The following LIN7A variants were observed in gnomAD, a reference collection of about 807,000 sequenced individuals.
LIN7A encodes protein lin-7 homolog A.
A neutral mutation model predicts 29.8 loss-of-function variants in LIN7A; 25 were observed. The ratio of observed to expected loss-of-function variants is 0.84; its 90% confidence interval spans 0.61 to 1.17. LIN7A has a LOEUF of 1.17. Among genes scored for constraint, LIN7A ranks in the 50% most tolerant of loss-of-function variants. The probability of loss-of-function intolerance (pLI) is 0.00; values close to 1 mark genes in which losing one functional copy is unlikely to be tolerated. For missense variants in LIN7A, 239 were observed against 287.0 expected (o/e 0.83, Z 1.21); for synonymous variants, 118 against 107.5 (o/e 1.10, Z -0.60).
At chr12:80,828,811 T>C (rs1005606171) in intron 4 of LIN7A, among the ~76,000 whole-genome samples, 1 of 152,052 alleles carries the variant, frequency 6.6e-6, no homozygotes, top group Non-Finnish European at 1.5e-5. Flanking sequence ...GGTGTGTGTG[T>C]GTGTGGTGTA....
intron 3 of LIN7A, among the ~76,000 whole-genome samples, chr12:80,846,236 A>G (rs1216678594): frequency 3.3e-5 from 5 of 152,096 alleles, no homozygotes; most frequent in Admixed American, 6.5e-5. Context: ...AATTCTTCCT[A>G]TTCCTGGAGT....
At chr12:80,862,770 T>A (rs1246062999) in intron 2 of LIN7A, among the ~76,000 whole-genome samples, 1 of 152,166 alleles carries the variant, frequency 6.6e-6, no homozygotes, top group African/African-American at 2.4e-5. Flanking sequence ...GCCCACTTCA[T>A]TACAAGTTGT....
chr12:80,822,856 C>T (rs1007462853), intron 4 of LIN7A, among the ~76,000 whole-genome samples: 3 of 152,082 alleles, frequency 2.0e-5, no homozygotes, highest in African/African-American at 7.2e-5. Context: ...GGGTGGATTG[C>T]TGGTGAAGCC....
intron 3 of LIN7A, among the ~76,000 whole-genome samples, chr12:80,846,221 G>C (rs2121548964): frequency 6.6e-6 from 1 of 152,212 alleles, no homozygotes; most frequent in Non-Finnish European, 1.5e-5. Flanking sequence ...ACCTTGGTTA[G>C]CTGCAATTCT....
intron 1 of LIN7A, among the ~76,000 whole-genome samples, chr12:80,923,452 T>C (rs1877420848): frequency 6.6e-6 from 1 of 152,200 alleles, no homozygotes; most frequent in South Asian, 2.1e-4. Flanking sequence ...ATTTTTGCCT[T>C]TTGTACTAAG....
chr12:80,833,702 G>A (rs1410670236), intron 4 of LIN7A, among the ~76,000 whole-genome samples: 1 of 152,088 alleles, frequency 6.6e-6, no homozygotes, highest in African/African-American at 2.4e-5. Flanking sequence ...ATATGTTTCT[G>A]TAGATGTTGT....
intron 4 of LIN7A, chr12:80,841,743 G>A (rs914401019): frequency 6.3e-5 from 14 of 223,828 alleles, no homozygotes; most frequent in African/African-American, 2.4e-4. Context: ...ATATATTTAC[G>A]GTTGCCGCTG....
At chr12:80,890,539 G>A (rs184156363) in intron 1 of LIN7A, among the ~76,000 whole-genome samples, 101 of 152,236 alleles carry the variant, frequency 6.6e-4, no homozygotes, top group African/African-American at 2.2e-3. Flanking sequence ...AAAATTGTTA[G>A]CACCTCAGAA....
intron 4 of LIN7A, among the ~76,000 whole-genome samples, chr12:80,831,587 G>A (rs754148303): frequency 1.8e-4 from 28 of 152,112 alleles, no homozygotes; most frequent in Admixed American, 5.2e-4. Context: ...GTGAAACACT[G>A]CCAATATATG....
intron 5 of LIN7A, among the ~76,000 whole-genome samples, chr12:80,804,402 T>G (rs558694630): frequency 7.9e-5 from 12 of 151,846 alleles, no homozygotes; most frequent in African/African-American, 2.9e-4. Context: ...GTAACCATCC[T>G]TCTACCCTCT....
At chr12:80,932,723 T>C (rs935576654) in intron 1 of LIN7A, among the ~76,000 whole-genome samples, 1 of 152,252 alleles carries the variant, frequency 6.6e-6, no homozygotes, top group African/African-American at 2.4e-5. Context: ...TTATCTTCTC[T>C]GACCTTGAGA....
chr12:80,923,551 A>AT (rs1877425302), intron 1 of LIN7A, among the ~76,000 whole-genome samples: 1 of 152,154 alleles, frequency 6.6e-6, no homozygotes, highest in African/African-American at 2.4e-5. Context: ...AATATATTAC[A>AT]TTTTTAAATT....
intron 4 of LIN7A, among the ~76,000 whole-genome samples, chr12:80,837,855 A>G (rs1035356841): frequency 2.6e-5 from 4 of 151,816 alleles, no homozygotes; most frequent in Non-Finnish European, 5.9e-5. Context: ...CATCATCATC[A>G]TCATCATCAT....
chr12:80,858,637 AT>A (rs2120383665), intron 2 of LIN7A, among the ~76,000 whole-genome samples: 1 of 151,920 alleles, frequency 6.6e-6, no homozygotes, highest in South Asian at 2.1e-4. Flanking sequence ...GGAAGATGTC[AT>A]TTTCAATTAG....
At chr12:80,809,724 T>C (rs889527210) in intron 5 of LIN7A, among the ~76,000 whole-genome samples, 2 of 152,202 alleles carry the variant, frequency 1.3e-5, no homozygotes, top group African/African-American at 4.8e-5. Flanking sequence ...ACTTCTAAGA[T>C]GGGGTCTCTT....
chr12:80,926,927 CAA>C (rs35483715), intron 1 of LIN7A, among the ~76,000 whole-genome samples: 4,157 of 55,296 alleles, frequency 0.075, 59 homozygotes, highest in South Asian at 0.24. Context: ...GACTCCATCT[CAA>C]AAAAAAAAAA....
intron 1 of LIN7A, among the ~76,000 whole-genome samples, chr12:80,932,937 G>C (rs933010608): frequency 2.0e-5 from 3 of 152,188 alleles, no homozygotes; most frequent in Non-Finnish European, 4.4e-5. Context: ...CTCTGATGTA[G>C]AGAAGAGTTG....
intron 1 of LIN7A, among the ~76,000 whole-genome samples, chr12:80,911,006 A>G (rs547028599): frequency 4.8e-4 from 73 of 152,296 alleles, no homozygotes; most frequent in African/African-American, 1.7e-3. Flanking sequence ...TGAAACTGTC[A>G]AAGCAGGAAT....
At chr12:80,850,717 T>C (rs1873288595) in intron 2 of LIN7A, among the ~76,000 whole-genome samples, 1 of 152,178 alleles carries the variant, frequency 6.6e-6, no homozygotes, top group Non-Finnish European at 1.5e-5. Context: ...AATCCTGATC[T>C]AAGGAATTAA....
Sources: allele counts gnomAD v4.1 joint callset (sites outside exome capture counted in the v4.1 genomes callset), GRCh38; gene constraint gnomAD v4.1.1; transcripts MANE v1.5; gene names NCBI Gene and HGNC (gene_info 2026-07-23, HGNC 2026-07-21).